The following AGXT2 variants were observed in gnomAD, a reference collection of about 807,000 sequenced individuals.
The protein encoded by AGXT2 is alanine--glyoxylate aminotransferase 2, mitochondrial.
In AGXT2, 61 loss-of-function variants were observed where a neutral mutation model predicts 62.5. The ratio of observed to expected loss-of-function variants is 0.98; its 90% CI spans 0.79 to 1.21. The LOEUF is 1.21. Ranked by LOEUF, AGXT2 falls within the 50% of genes most tolerant of loss-of-function variation. The pLI is 0.00. For synonymous variants in AGXT2, 243 were observed against 218.7 expected, an observed-to-expected ratio of 1.11 and a Z score of -0.98; for missense variants, 666 against 641.5, an observed-to-expected ratio of 1.04 and a Z score of -0.41.
chr5:35,042,853 A>ATTTGT (rs1422244702), intron 1 of AGXT2, among the ~76,000 whole-genome samples: 1 of 151,848 alleles, frequency 6.6e-6, no homozygotes, highest in African/African-American at 2.4e-5. Flanking sequence ...CTGAATAGGT[A>ATTTGT]TTTGTTTTGT....
chr5:35,019,637 T>G (rs1366065090), intron 9 of AGXT2, among the ~76,000 whole-genome samples: 2 of 151,878 alleles, frequency 1.3e-5, no homozygotes, highest in Non-Finnish European at 2.9e-5. Flanking sequence ...GATCCAAAAT[T>G]GACACCCTAA....
chr5:35,046,257 G>A (rs1012296021), intron 1 of AGXT2, among the ~76,000 whole-genome samples: 2 of 152,166 alleles, frequency 1.3e-5, no homozygotes, highest in South Asian at 4.1e-4. Flanking sequence ...GCAGTCTAGG[G>A]CATTTCTCTT....
intron 9 of AGXT2, among the ~76,000 whole-genome samples, chr5:35,020,885 CA>C (rs1256028432): frequency 6.6e-6 from 1 of 152,036 alleles, no homozygotes; most frequent in East Asian, 1.9e-4. Flanking sequence ...TCTCAGGATA[CA>C]AAATCAATGT....
chr5:35,041,306 A>G (rs1304509626), intron 1 of AGXT2, among the ~76,000 whole-genome samples: 1 of 148,560 alleles, frequency 6.7e-6, no homozygotes, highest in Non-Finnish European at 1.5e-5. Context: ...AAATATTTGG[A>G]GCTAGGAGGG....
At chr5:35,033,411 A>C in intron 6 of AGXT2, 49 bp downstream of exon 6, 2 of 1,391,790 alleles carry the variant, frequency 1.4e-6, no homozygotes, top group Non-Finnish European at 2.0e-6. Context: ...CAACTACTTC[A>C]CATACCCAGC....
chr5:35,036,689 G>T (rs556813314), intron 4 of AGXT2, among the ~76,000 whole-genome samples: 1 of 152,306 alleles, frequency 6.6e-6, no homozygotes, highest in Admixed American at 6.5e-5. Context: ...CAGAGGCTCA[G>T]AGGTGACACA....
rs770305070 is a variant in AGXT2 at position 35,040,577 on chromosome 5, G to C, written c.175C>G (p.Gln59Glu). ...PPCDFMPERY[Q>E]SLGYNRVLEI... is the part of the protein sequence containing the mutation. ...TTTCTTAAAGCCCTGAATCTCACCT[G>C]GTATCTTTCAGGCATGAAGTCACAT... Residue 59 changes from glutamine to glutamate, a missense_variant and splice_region_variant, in exon 2 of 14, where the codon CAG (glutamine) becomes GAG (glutamate). Transcript: ENST00000231420. 1 of 1,613,010 alleles carries C rather than the reference G, an allele frequency of 6.2e-7. No homozygotes were observed. The highest frequency in any genetic ancestry group is 1.7e-5 in the Admixed American group (1 of 60,014).
rs781291251 is a variant in AGXT2 at position 35,014,005 on chromosome 5, C to A, written c.1078G>T (p.Ala360Ser). 1 of 1,614,102 alleles carries A rather than the reference C, an allele frequency of 6.2e-7. No individual in the cohort carries two copies. The highest frequency in any genetic ancestry group is 2.2e-5 in the East Asian group (1 of 44,868). Residue 360 changes from alanine to serine, a missense_variant, in exon 10 of 14, where the codon GCA becomes TCA. Ala to Ser is a moderately conservative substitution (Grantham distance 99). Transcript: ENST00000231420. ...KGIGNGFPMA[A>S]VITTPEIAKS... ...GTCCTACCTGGAGTGGTTATGACTG[C>A]TGCCATGGGAAAGCCATTCCCAATC...
At position 34,998,698 on chromosome 5, in the gene AGXT2, T is replaced by G; in HGVS notation, c.*21A>C. 1 of 1,592,110 alleles carries G rather than the reference T, an allele frequency of 6.3e-7. No individual in the cohort carries two copies. Among genetic ancestry groups the G allele is most frequent in the African/African-American group, 1.3e-5 (1 of 74,592 alleles). ...CGTGGCAAATTCTTGAGACTTGTGG[T>G]TTTATTTATTTCTGACAATGTTACT... On this transcript the variant is annotated 3_prime_UTR_variant, in exon 14 of 14. Transcript: ENST00000231420.
intron 1 of AGXT2, among the ~76,000 whole-genome samples, chr5:35,043,792 G>A (rs1397351523): frequency 2.0e-5 from 3 of 152,150 alleles, no homozygotes; most frequent in Admixed American, 2.0e-4. Context: ...TCAGGCTCAA[G>A]CGATCCTTCT....
Position 35,025,754 on chromosome 5 carries a change from G to A in AGXT2, c.963+9C>T. On this transcript the variant is annotated intron_variant, in intron 9 of 13. Transcript: ENST00000231420. ...ACTGCACTCAATGGCACCCTTACAT[G>A]CCACTTACTTCATCTGCAATGCACA... The A allele has an allele frequency of 6.2e-6, 10 of 1,613,888 alleles. No individual in the cohort carries two copies. Among genetic ancestry groups the A allele is most frequent in the Non-Finnish European group, 8.5e-6 (10 of 1,179,836 alleles).
chr5:35,028,809 C>A (rs1037666122), intron 7 of AGXT2, among the ~76,000 whole-genome samples: 3 of 152,154 alleles, frequency 2.0e-5, no homozygotes, highest in African/African-American at 7.2e-5. Context: ...AAAGCCTCAA[C>A]CCGAGTGACA....
intron 9 of AGXT2, 105 bp from the exon 10 acceptor site, chr5:35,014,224 C>T (rs1001695991): frequency 2.0e-6 from 3 of 1,479,638 alleles, no homozygotes; most frequent in Non-Finnish European, 2.8e-6. Context: ...GAGGCTGAAG[C>T]AGGTGGATCA....
At chr5:35,017,887 T>C (rs1766908526) in intron 9 of AGXT2, among the ~76,000 whole-genome samples, 1 of 152,176 alleles carries the variant, frequency 6.6e-6, no homozygotes, top group South Asian at 2.1e-4. Flanking sequence ...AAGGAGCTGA[T>C]GGAGCTGAAA....
Position 35,036,893 on chromosome 5 carries a change from CT to C in AGXT2, c.486+48del, listed in dbSNP as rs763146946. ...TCTCTTTGAGCTGGGAGCATCATAC[CT>C]TTTTTTTTCCCCCATAACATTCACC... On this transcript the variant is annotated intron_variant, in intron 4 of 13. Transcript: ENST00000231420. The C allele has an allele frequency of 4.3e-5, 69 of 1,602,308 alleles. No homozygotes were observed. The East Asian group carries it at 5.0e-4, about 12-fold the overall frequency.
At chr5:35,009,247 TC>T (rs1386622778) in intron 12 of AGXT2, among the ~76,000 whole-genome samples, 1 of 151,270 alleles carries the variant, frequency 6.6e-6, no homozygotes, top group African/African-American at 2.4e-5. Context: ...ACAACATTCC[TC>T]CCTGGTTACT....
At chr5:35,034,824 C>A (rs1325259552) in intron 5 of AGXT2, among the ~76,000 whole-genome samples, 2 of 152,102 alleles carry the variant, frequency 1.3e-5, no homozygotes, top group Non-Finnish European at 2.9e-5. Context: ...TTATCATAAG[C>A]AGAAATTAAA....
At chr5:35,041,223 C>A (rs1173894566) in intron 1 of AGXT2, among the ~76,000 whole-genome samples, 3 of 51,402 alleles carry the variant, frequency 5.8e-5, no homozygotes, top group Admixed American at 2.6e-4. Flanking sequence ...CTCCCCCCGC[C>A]AAAAAAAAAA....
chr5:35,024,603 A>G (rs1767249360), intron 9 of AGXT2, among the ~76,000 whole-genome samples: 1 of 152,134 alleles, frequency 6.6e-6, no homozygotes, highest in African/African-American at 2.4e-5. Context: ...TTGGGGAACT[A>G]TTTTCAAATG....
Sources: gnomAD v4.1 joint callset for allele counts (sites outside exome capture counted in the v4.1 genomes callset) on GRCh38, gnomAD v4.1.1 for gene constraint, MANE v1.5 for transcripts, NCBI Gene and HGNC (gene_info 2026-07-23, HGNC 2026-07-21) for gene names.